DIXDC1: variants seen among roughly 807,000 people sequenced by gnomAD.
The protein encoded by DIXDC1 is dixin.
A neutral mutation model predicts 103.1 loss-of-function variants in DIXDC1; 64 were observed. The observed-to-expected ratio is 0.62, with a 90% CI of 0.51 to 0.76. DIXDC1 has a LOEUF of 0.76. Among genes scored for constraint, DIXDC1 ranks in the 30% least tolerant of loss-of-function variants. The pLI, the probability that DIXDC1 is intolerant of heterozygous loss-of-function variation, is 0.00. For missense variants in DIXDC1, 759 were observed against 834.2 expected (o/e 0.91, Z 1.11); for synonymous variants, 266 against 298.5 (o/e 0.89, Z 1.12).
Position 111,976,184 on chromosome 11 carries a change from G to T in DIXDC1, c.656+1201G>T, listed in dbSNP as rs35514287. Among the ~76,000 whole-genome samples the T allele has an allele frequency of 2.6e-3, 390 of 152,288 alleles. 2 individuals are homozygous for T. Among genetic ancestry groups the T allele is most frequent in the Non-Finnish European group, 4.0e-3 (269 of 68,032 alleles). On this transcript the variant is annotated intron_variant, in intron 5 of 19. Coordinates refer to ENST00000440460, the MANE Select transcript of DIXDC1 (RefSeq NM_001037954.4). This position sits in a 1 kb window ranked among gnomAD's most constrained non-coding sequence, Gnocchi z 4.3. The stretch of plus-strand genomic sequence containing the variant: ...ATCACCTGGAGCGGAATTACAGGAT[G>T]TTTTGTTGTATTGCTTCCTGCACTT...
chr11:111,977,163 C>A lies in DIXDC1; in HGVS notation c.656+2180C>A. 3 of 698,902 alleles carry A rather than the reference C, an allele frequency of 4.3e-6. No homozygotes were observed. Among genetic ancestry groups the A allele is most frequent in the Non-Finnish European group, 5.3e-6 (3 of 567,726 alleles). The allele number at this position is 698,902 out of a possible 1,614,324, so 43.3% of individuals were successfully genotyped here. A position where few individuals can be genotyped will look rare whatever the true frequency, so the allele number is the denominator to read the frequency against. ...TCGTCGACGTCCCCACCCCCACCTC[C>A]ACCCCGCCCAGCCCCGCCCCTGGCC... On this transcript the variant is annotated intron_variant, in intron 5 of 19. Transcript: ENST00000440460. The surrounding 1 kb of genome is among the most constrained non-coding windows in gnomAD (Gnocchi z 6.1).
At chr11:111,937,273 A>G (rs1201569937), upstream of DIXDC1, 5 of 1,303,658 alleles carry the variant, frequency 3.8e-6, no homozygotes, top group Non-Finnish European at 3.9e-6. Context: ...AGTTGTTTCC[A>G]TAGGAACCGC....
intron 2 of DIXDC1, among the ~76,000 whole-genome samples, chr11:111,931,946 C>G (rs1966031873): frequency 6.6e-6 from 1 of 151,702 alleles, no homozygotes. Flanking sequence ...CGTAGAGAAA[C>G]TCAAGTGTCA....
In DIXDC1 at chr11:111,964,666, A is replaced by G. The variant is rs1265189225; in HGVS notation, c.178A>G (p.Ile60Val). 1 of 1,606,574 alleles carries G rather than the reference A, an allele frequency of 6.2e-7. No homozygotes were observed. The highest frequency in any genetic ancestry group is 8.5e-7 in the Non-Finnish European group (1 of 1,176,616). ...GGATGGGGTGATCCTGGCATATCTC[A>G]TCGAGATTGTTGGTCAGTTGGCCCT... ...LRDGVILAYLIEIVAGEKLSG... is the reference protein window; with the variant it reads ...LRDGVILAYLVEIVAGEKLSG... The change falls in exon 2 of 20, where the codon ATC becomes GTC. Residue 60 changes from isoleucine to valine, a missense_variant. Physicochemically the swap from Ile to Val is conservative, Grantham distance 29 (BLOSUM62 3). This residue lies in a region of DIXDC1 where 97 missense variants were observed against 85.4 expected (regional missense o/e 1.14). Coordinates refer to ENST00000440460, the MANE Select transcript of DIXDC1 (RefSeq NM_001037954.4).
intron 4 of DIXDC1, 105 bp downstream of exon 4, chr11:111,974,359 T>C (rs967614646): frequency 2.6e-6 from 3 of 1,153,646 alleles, no homozygotes; most frequent in Admixed American, 2.5e-5. Flanking sequence ...CAGCCCCAGA[T>C]TGCAGAAAAG....
chr11:111,983,650 A>G (rs1467736552), intron 7 of DIXDC1, among the ~76,000 whole-genome samples: 4 of 152,210 alleles, frequency 2.6e-5, no homozygotes, highest in Non-Finnish European at 4.4e-5. Flanking sequence ...GCATTATATG[A>G]ACATAGATAT....
chr11:111,995,190 G>C, intron 15 of DIXDC1, 82 bp downstream of exon 15: 1 of 1,442,868 alleles, frequency 6.9e-7, no homozygotes, highest in Non-Finnish European at 9.6e-7. Context: ...AGTGGATGAG[G>C]CCTTTTATAT....
At position 111,973,916 on chromosome 11, in the gene DIXDC1, C is replaced by A. The variant is rs587625549; in HGVS notation, c.317-107C>A. The A allele has an allele frequency of 5.9e-4, 629 of 1,072,326 alleles. 3 individuals are homozygous for A. The highest frequency in any genetic ancestry group is 3.2e-3 in the South Asian group (202 of 62,760). 66.4% of individuals were successfully genotyped at this position (1,072,326 alleles called of 1,614,324 possible). A position where few individuals can be genotyped will look rare whatever the true frequency, so the allele number is the denominator to read the frequency against. On this transcript the variant is annotated intron_variant, in intron 3 of 19. Transcript: ENST00000440460. ...GAGGACTGAGACCCTGACTGCCTTG[C>A]TTACCTGTATCACTAGCAATATGTA...
intron 3 of DIXDC1, among the ~76,000 whole-genome samples, chr11:111,970,102 C>T (rs782780316): frequency 6.6e-6 from 1 of 152,202 alleles, no homozygotes; most frequent in Non-Finnish European, 1.5e-5. Flanking sequence ...GTCACCCAGA[C>T]TGGAGTTCAG....
chr11:112,012,360 A>T (rs1228601460), intron 17 of DIXDC1, among the ~76,000 whole-genome samples: 1 of 152,234 alleles, frequency 6.6e-6, no homozygotes, highest in African/African-American at 2.4e-5. Flanking sequence ...GTATTGGTGA[A>T]TTGGTAGATA....
intron 1 of DIXDC1, among the ~76,000 whole-genome samples, chr11:111,941,677 A>G (rs1333823935): frequency 2.0e-5 from 3 of 151,638 alleles, no homozygotes; most frequent in Non-Finnish European, 4.4e-5. Flanking sequence ...TGAGCTGGGC[A>G]TGGTGGCATG....
intron 17 of DIXDC1, among the ~76,000 whole-genome samples, chr11:112,013,458 T>C (rs1592633661): frequency 6.6e-6 from 1 of 152,126 alleles, no homozygotes; most frequent in Non-Finnish European, 1.5e-5. Flanking sequence ...TTATATCTAA[T>C]TTATTTGTGT....
chr11:111,966,566 G>C (rs1859748337), intron 2 of DIXDC1, among the ~76,000 whole-genome samples: 1 of 151,970 alleles, frequency 6.6e-6, no homozygotes, highest in South Asian at 2.1e-4. Context: ...ACCGCGCCCG[G>C]CTAATTTTTT....
chr11:111,975,048 T>C (rs953648024), intron 5 of DIXDC1, 65 bp downstream of exon 5: 7 of 1,556,530 alleles, frequency 4.5e-6, no homozygotes, highest in East Asian at 4.8e-5. Context: ...CAAGTAACAA[T>C]ACAACAAGCA....
Position 111,981,874 on chromosome 11 carries a change from C to T in DIXDC1, c.770-465C>T, listed in dbSNP as rs1436119312. Reference sequence around the variant, plus strand: ...TGGTTTGTTTGCTGTGTGACTCACACAGTATTCTACATGAAAGTGGTCCAC... The same window carrying T: ...TGGTTTGTTTGCTGTGTGACTCACATAGTATTCTACATGAAAGTGGTCCAC... On this transcript the variant is annotated intron_variant, in intron 6 of 19. Transcript: ENST00000440460. Among the ~76,000 whole-genome samples the T allele has an allele frequency of 2.6e-5, 4 of 152,182 alleles. No homozygotes were observed. The East Asian group carries it at 7.7e-4, about 29-fold the overall frequency.
intron 3 of DIXDC1, among the ~76,000 whole-genome samples, chr11:111,973,508 C>T (rs1389837746): frequency 1.3e-5 from 2 of 152,152 alleles, no homozygotes; most frequent in African/African-American, 4.8e-5. Context: ...ATGCTAAGTA[C>T]ATACTACACT....
At chr11:112,018,856 C>T (rs891355715) in intron 19 of DIXDC1, 100 bp from the exon 20 acceptor site, 47 of 982,064 alleles carry the variant, frequency 4.8e-5, no homozygotes, top group Non-Finnish European at 5.7e-5. Context: ...TAACTCAAGG[C>T]TTTCTTCTAC....
intron 14 of DIXDC1, among the ~76,000 whole-genome samples, chr11:111,994,002 G>T (rs1860796787): frequency 1.3e-5 from 2 of 152,192 alleles, no homozygotes; most frequent in South Asian, 4.1e-4. Context: ...TAGTGATTCA[G>T]TCTGTCATTA....
intron 3 of DIXDC1, 86 bp downstream of exon 3, chr11:111,968,724 G>T: frequency 1.5e-6 from 2 of 1,330,310 alleles, no homozygotes; most frequent in East Asian, 5.3e-5. Context: ...TGTAACCTGG[G>T]GGAAGATAGA....
Sources: gnomAD v4.1 joint callset for allele counts (sites outside exome capture counted in the v4.1 genomes callset) on GRCh38, gnomAD v4.1.1 for gene constraint, gnomAD v4.1.1 regional missense constraint, Gnocchi (gnomAD v3.1) non-coding constraint, MANE v1.5 for transcripts, NCBI Gene and HGNC (gene_info 2026-07-23, HGNC 2026-07-21) for gene names.